Variants in MORF4L1 observed in about 807,000 individuals in gnomAD.
MORF4L1 encodes the protein mortality factor 4 like 1.
Under a neutral mutation model 52.9 loss-of-function variants are expected in MORF4L1, and 4 were observed. The ratio of observed to expected loss-of-function variants is 0.08; its 90% confidence interval spans 0.04 to 0.17. The LOEUF (loss-of-function observed/expected upper bound fraction) is 0.17. MORF4L1 is among the 10% of genes least tolerant of loss of function. The pLI, the probability that MORF4L1 is intolerant of heterozygous loss-of-function variation, is 1.00. For missense variants in MORF4L1, 214 were observed against 390.4 expected, an observed-to-expected ratio of 0.55 and a Z score of 3.81; for synonymous variants, 123 against 134.8, an observed-to-expected ratio of 0.91 and a Z score of 0.61.
In MORF4L1 at chr15:78,872,914, G is replaced by T; in HGVS notation, c.-104G>T. ...CAAATCCGGCCCAGGATGTAGAGCT[G>T]GCAGTGCCTGACGGCGCGTCTGACG... On this transcript the variant is annotated 5_prime_UTR_variant, in exon 1 of 12. Coordinates refer to ENST00000426013, the MANE Select transcript of MORF4L1 (RefSeq NM_006791.4). 1 of 1,498,956 alleles carries T rather than the reference G, an allele frequency of 6.7e-7. No individual in the cohort carries two copies. The highest frequency in any genetic ancestry group is 8.9e-7 in the Non-Finnish European group (1 of 1,125,380). 92.9% of individuals were successfully genotyped at this position (1,498,956 alleles called of 1,614,324 possible). A position where few individuals can be genotyped will look rare whatever the true frequency, so the allele number is the denominator to read the frequency against.
At chr15:78,888,918 T>G (rs1250231571) in intron 5 of MORF4L1, among the ~76,000 whole-genome samples, 2 of 151,190 alleles carry the variant, frequency 1.3e-5, no homozygotes, top group Non-Finnish European at 3.0e-5. Context: ...AAAACTGTAG[T>G]GTAGTATTTC....
chr15:78,894,013 T>A (rs770371253), intron 9 of MORF4L1, 45 bp from the exon 10 acceptor site: 1 of 1,529,478 alleles, frequency 6.5e-7, no homozygotes, highest in Non-Finnish European at 9.0e-7. Flanking sequence ...TCTATGTCAG[T>A]TATTTTTATT....
In MORF4L1 at chr15:78,894,687, C is replaced by T. The variant is rs569026224; in HGVS notation, c.803-133C>T. On this transcript the variant is annotated intron_variant, in intron 10 of 11. Transcript: ENST00000426013. The stretch of plus-strand genomic sequence containing the variant: ...CCTCCCAAAGTGCTGGGATTACAGG[C>T]GTGAGCCACTATGCCCGGCCTAAAA... 3.8e-5 allele frequency: 27 copies of T among 707,492 alleles called. No individual in the cohort carries two copies. The African/African-American group carries it at 3.9e-4, about 10-fold the overall frequency. 43.8% of individuals were successfully genotyped at this position (707,492 alleles called of 1,614,324 possible). A position where few individuals can be genotyped will look rare whatever the true frequency, so the allele number is the denominator to read the frequency against.
chr15:78,874,174 C>G (rs1001138429), intron 1 of MORF4L1, among the ~76,000 whole-genome samples: 5 of 152,180 alleles, frequency 3.3e-5, no homozygotes, highest in African/African-American at 1.2e-4. Context: ...AGGAGGAACA[C>G]TTTAACATTC....
intron 3 of MORF4L1, among the ~76,000 whole-genome samples, chr15:78,881,597 T>C (rs1364986874): frequency 6.6e-5 from 10 of 152,146 alleles, no homozygotes. Flanking sequence ...GTCCATCCAG[T>C]GGAGCTGTTT....
At chr15:78,875,799 AT>A (rs200129374) in intron 1 of MORF4L1, among the ~76,000 whole-genome samples, 1,756 of 139,000 alleles carry the variant, frequency 0.013, 44 homozygotes, top group African/African-American at 0.045. Flanking sequence ...AAAAAAAAAA[AT>A]TTATTAATTA....
Position 78,886,186 on chromosome 15 carries a change from C to G in MORF4L1, c.201C>G (p.Asp67Glu), listed in dbSNP as rs1462766072. Reference sequence around the variant, plus strand: ...AGAGCAGAGTACTCAAATACGTGGACACCAATTTGCAGAAACAGCGAGAAC... The same window carrying G: ...AGAGCAGAGTACTCAAATACGTGGAGACCAATTTGCAGAAACAGCGAGAAC... ...VPESRVLKYV[D>E]TNLQKQRELQ... Residue 67 changes from aspartate to glutamate, a missense_variant, in exon 4 of 12, where the codon GAC (aspartate) becomes GAG (glutamate). Around this residue, in one of 5 missense-constraint regions of MORF4L1, gnomAD observed 84 missense variants for 116.3 expected, o/e 0.72. Transcript: ENST00000426013. The G allele has an allele frequency of 6.2e-7, 1 of 1,613,932 alleles. No individual in the cohort carries two copies. The highest frequency in any genetic ancestry group is 8.5e-7 in the Non-Finnish European group (1 of 1,179,986).
At chr15:78,874,459 C>A (rs1026740523) in intron 1 of MORF4L1, among the ~76,000 whole-genome samples, 1 of 152,172 alleles carries the variant, frequency 6.6e-6, no homozygotes. Context: ...CTCTGCCCCC[C>A]ACCCGGGCTA....
chr15:78,887,327 C>G lies in MORF4L1; in HGVS notation c.301C>G (p.Leu101Val), dbSNP rs2056723405. Residue 101 changes from leucine to valine, a missense_variant, in exon 5 of 12, where the codon CTG becomes GTG. By Grantham distance (32) the Leu-to-Val change is conservative. This residue lies in a region of MORF4L1 where 84 missense variants were observed against 116.3 expected (regional missense o/e 0.72). Transcript: ENST00000426013. The part of the protein sequence containing the change: ...GAAPGKKTSG[L>V]QQKNVEVKTK... The stretch of plus-strand genomic sequence containing the variant: ...TGCCCCAGGAAAGAAGACATCTGGT[C>G]TGCAACAGAAAAATGTTGAAGTGTA... 6.2e-7 allele frequency: 1 copy of G among 1,611,794 alleles called. No individual in the cohort carries two copies. The highest frequency in any genetic ancestry group is 1.3e-5 in the African/African-American group (1 of 74,662).
At chr15:78,893,717 A>G in intron 9 of MORF4L1, 90 bp downstream of exon 9, 2 of 848,188 alleles carry the variant, frequency 2.4e-6, no homozygotes, top group Admixed American at 2.8e-5. Context: ...ACTCCGAAAC[A>G]TTAATACCAC....
At chr15:78,893,824 T>G (rs1202393031) in intron 9 of MORF4L1, among the ~76,000 whole-genome samples, 197 bp downstream of exon 9, 1 of 152,192 alleles carries the variant, frequency 6.6e-6, no homozygotes, top group African/African-American at 2.4e-5. Context: ...TAGGTAAAAT[T>G]TAAGCTATCA....
chr15:78,887,172 A>C, intron 4 of MORF4L1, 97 bp from the exon 5 acceptor site: 1 of 1,039,622 alleles, frequency 9.6e-7, no homozygotes, highest in Non-Finnish European at 1.4e-6. Flanking sequence ...ACTTGTTGCC[A>C]GAATTTGAAT....
intron 1 of MORF4L1, 107 bp from the exon 2 acceptor site, chr15:78,878,106 C>T (rs554508163): frequency 1.7e-6 from 2 of 1,144,770 alleles, no homozygotes; most frequent in Non-Finnish European, 2.5e-6. Flanking sequence ...CTCATTTTTC[C>T]TAATTTGGCT....
chr15:78,874,605 A>G (rs200155481), intron 1 of MORF4L1, among the ~76,000 whole-genome samples: 3 of 93,840 alleles, frequency 3.2e-5, no homozygotes, highest in East Asian at 6.0e-4. Context: ...TTTTTTTTGT[A>G]TTTTTGGTAG....
intron 2 of MORF4L1, among the ~76,000 whole-genome samples, chr15:78,878,460 C>A (rs1456326281): frequency 6.6e-6 from 1 of 152,142 alleles, no homozygotes; most frequent in Non-Finnish European, 1.5e-5. Context: ...TTGCTACTCT[C>A]TTCCACTTTT....
rs148499830 is a variant in MORF4L1, at chr15:78,876,347, A to C, written c.41-1866A>C. The C allele has an allele frequency of 4.7e-3, 1,340 of 287,082 alleles. 20 individuals carry two copies. Among genetic ancestry groups the C allele is most frequent in the African/African-American group, 0.025 (1,154 of 46,176 alleles). 17.8% of individuals were successfully genotyped at this position (287,082 alleles called of 1,614,324 possible). A position where few individuals can be genotyped will look rare whatever the true frequency, so the allele number is the denominator to read the frequency against. ...AATGGCGTGCAATATATGTTGTATA[A>C]GCAATTCTTAAGGCATAGTGATTGC... On this transcript the variant is annotated intron_variant, in intron 1 of 11. Coordinates refer to ENST00000426013, the MANE Select transcript of MORF4L1 (RefSeq NM_006791.4).
intron 11 of MORF4L1, 114 bp downstream of exon 11, chr15:78,895,018 TTGGTAA>T: frequency 1.2e-6 from 1 of 817,092 alleles, no homozygotes; most frequent in Admixed American, 2.1e-5. Context: ...GCATAGATAG[TTGGTAA>T]TGGAGCAGTA....
chr15:78,876,316 T>C (rs145272875), intron 1 of MORF4L1, among the ~76,000 whole-genome samples: 58 of 152,282 alleles, frequency 3.8e-4, no homozygotes, highest in African/African-American at 1.3e-3. Flanking sequence ...TTTTTTTTTA[T>C]TTGATAATGG....
At chr15:78,884,660 TACACACACAC>T (rs67970418) in intron 3 of MORF4L1, among the ~76,000 whole-genome samples, 77,067 of 129,504 alleles carry the variant, frequency 0.6, 25,897 homozygotes, top group Non-Finnish European at 0.69. Context: ...AAAAAAAAAA[TACACACACAC>T]ACACACACAC....
Sources: gnomAD v4.1 joint callset for allele counts (sites outside exome capture counted in the v4.1 genomes callset) on GRCh38, gnomAD v4.1.1 for gene constraint, gnomAD v4.1.1 regional missense constraint, MANE v1.5 for transcripts, NCBI Gene and HGNC (gene_info 2026-07-23, HGNC 2026-07-21) for gene names.